Variants in FHOD3 observed in about 807,000 individuals in gnomAD.
The protein encoded by FHOD3 is formin homology 2 domain containing 3, also known as FH1/FH2 domain-containing protein 3.
In FHOD3, 90 loss-of-function variants were observed where a neutral mutation model predicts 173.0. That is an observed-to-expected ratio of 0.52 (90% CI 0.44 to 0.62). The LOEUF (loss-of-function observed/expected upper bound fraction) is 0.62. Ranked by LOEUF, FHOD3 falls within the 20% of genes least tolerant of loss-of-function variation. The pLI is 0.00. For synonymous variants in FHOD3, 828 were observed against 823.0 expected (o/e 1.01, Z -0.10); for missense variants, 1,945 against 2,034.7 (o/e 0.96, Z 0.85).
At chr18:36,370,902 T>C (rs2047153193) in intron 2 of FHOD3, among the ~76,000 whole-genome samples, 1 of 152,220 alleles carries the variant, frequency 6.6e-6, no homozygotes, top group Admixed American at 6.5e-5. Flanking sequence ...AAGCTGTCTA[T>C]AATTCAATTT....
chr18:36,345,780 G>A (rs1200735502), intron 1 of FHOD3, among the ~76,000 whole-genome samples: 2 of 152,128 alleles, frequency 1.3e-5, no homozygotes, highest in African/African-American at 4.8e-5. Flanking sequence ...TAGTGAGCTA[G>A]AAAACAAACT....
chr18:36,513,997 A>G (rs1323090177), intron 5 of FHOD3, among the ~76,000 whole-genome samples: 1 of 120,856 alleles, frequency 8.3e-6, no homozygotes, highest in Admixed American at 8.6e-5. Flanking sequence ...TTATTGCTGA[A>G]TTTTGCTATT....
intron 3 of FHOD3, among the ~76,000 whole-genome samples, chr18:36,402,796 T>C (rs1374592287): frequency 3.3e-5 from 5 of 152,216 alleles, no homozygotes; most frequent in African/African-American, 1.2e-4. Context: ...AACAAATATG[T>C]TCCACTTTTC....
Position 36,652,879 on chromosome 18 carries a change from C to A in FHOD3, c.1596C>A (p.Asp532Glu). ...PFHLFSYDFE[D>E]SSLSTKEKEA... ...ACCTCTTCTCCTATGACTTTGAGGA[C>A]TCCTCCCTGTCCACCAAGGAGAAGG... The change falls in exon 12 of 29, where the codon GAC becomes GAA. Residue 532 changes from aspartate (D) to glutamate (E), a missense_variant. Asp to Glu is a conservative substitution (Grantham distance 45, BLOSUM62 2). Coordinates refer to ENST00000590592, the MANE Select transcript of FHOD3 (RefSeq NM_001281740.3). 3 of 1,535,856 alleles carry A rather than the reference C, an allele frequency of 2.0e-6. No individual in the cohort carries two copies. The highest frequency in any genetic ancestry group is 2.6e-6 in the Non-Finnish European group (3 of 1,146,656).
intron 3 of FHOD3, among the ~76,000 whole-genome samples, chr18:36,382,903 G>A (rs2047862922): frequency 6.6e-6 from 1 of 152,210 alleles, no homozygotes; most frequent in African/African-American, 2.4e-5. Flanking sequence ...CCCTAGGTTT[G>A]ACTGTTTGCT....
intron 27 of FHOD3, among the ~76,000 whole-genome samples, chr18:36,767,196 G>A (rs561245079): frequency 1.3e-5 from 2 of 152,128 alleles, no homozygotes; most frequent in South Asian, 4.2e-4. Context: ...TGGCCTAATA[G>A]CAAGTAGATC....
chr18:36,417,136 G>A (rs774778844), intron 3 of FHOD3, among the ~76,000 whole-genome samples: 4 of 152,050 alleles, frequency 2.6e-5, no homozygotes, highest in Admixed American at 6.6e-5. Context: ...TATGTCATAG[G>A]GATTTGTTGT....
chr18:36,723,769 T>G (rs544185657), intron 19 of FHOD3, among the ~76,000 whole-genome samples: 10 of 152,326 alleles, frequency 6.6e-5, no homozygotes, highest in African/African-American at 2.4e-4. Flanking sequence ...TATTATCAAT[T>G]GCAGCACCTT....
chr18:36,748,739 G>A (rs907928730), intron 24 of FHOD3, among the ~76,000 whole-genome samples: 4 of 152,086 alleles, frequency 2.6e-5, no homozygotes, highest in African/African-American at 4.8e-5. Context: ...GGTGGTACCC[G>A]GAAGTGGCCA....
chr18:36,451,065 C>A (rs2051816168), intron 3 of FHOD3, among the ~76,000 whole-genome samples: 3 of 152,174 alleles, frequency 2.0e-5, no homozygotes, highest in Admixed American at 6.5e-5. Flanking sequence ...CCATATCACA[C>A]ATTTACATTG....
Position 36,563,295 on chromosome 18 carries a change from C to T in FHOD3, c.512-13156C>T, listed in dbSNP as rs145980393. On this transcript the variant is annotated intron_variant, in intron 5 of 28. Coordinates refer to ENST00000590592, the MANE Select transcript of FHOD3 (RefSeq NM_001281740.3). ...TATTAATAAGGCACATTTGTGGAATCATGTCTGAAACCTCAGACTGCAGAT... is the reference window on the plus strand; with the variant it reads ...TATTAATAAGGCACATTTGTGGAATTATGTCTGAAACCTCAGACTGCAGAT... 4.8e-3 allele frequency among the ~76,000 whole-genome samples: 728 copies of T among 152,322 alleles called. 1 individual carries two copies. Among genetic ancestry groups the T allele is most frequent in the Non-Finnish European group, 7.6e-3 (516 of 68,022 alleles).
intron 13 of FHOD3, among the ~76,000 whole-genome samples, chr18:36,657,715 C>T (rs2036516389): frequency 6.6e-6 from 1 of 152,176 alleles, no homozygotes; most frequent in African/African-American, 2.4e-5. Context: ...CTAATTGTGC[C>T]ACCATGTGAG....
At chr18:36,312,479 C>T (rs1283463279) in intron 1 of FHOD3, among the ~76,000 whole-genome samples, 1 of 152,150 alleles carries the variant, frequency 6.6e-6, no homozygotes, top group South Asian at 2.1e-4. Flanking sequence ...AGGCATTGAA[C>T]CTGCCCCGCA....
intron 6 of FHOD3, among the ~76,000 whole-genome samples, chr18:36,582,172 A>C: frequency 6.6e-6 from 1 of 152,158 alleles, no homozygotes; most frequent in East Asian, 1.9e-4. Flanking sequence ...AAAGAGAGCT[A>C]AGTGCCATGG....
chr18:36,537,070 C>T (rs1045008123), intron 5 of FHOD3, among the ~76,000 whole-genome samples: 14 of 152,322 alleles, frequency 9.2e-5, no homozygotes, highest in South Asian at 6.2e-4. Flanking sequence ...CCAAAGCTTT[C>T]ACTTGCTTTG....
intron 18 of FHOD3, chr18:36,710,300 G>T (rs578223225): frequency 9.9e-5 from 15 of 152,284 alleles, no homozygotes; most frequent in African/African-American, 3.6e-4. Context: ...AACCAGTGGA[G>T]TCATGTCTTA....
chr18:36,577,648 C>T (rs1166697174), intron 6 of FHOD3, among the ~76,000 whole-genome samples: 2 of 152,172 alleles, frequency 1.3e-5, no homozygotes, highest in Non-Finnish European at 2.9e-5. Flanking sequence ...CTCATGAGGC[C>T]ACTGTCAGGT....
chr18:36,313,273 G>T (rs2092298237), intron 1 of FHOD3, among the ~76,000 whole-genome samples: 2 of 152,184 alleles, frequency 1.3e-5, no homozygotes, highest in South Asian at 2.1e-4. Flanking sequence ...AATTGCCAAA[G>T]AATTTGTGAA....
intron 23 of FHOD3, among the ~76,000 whole-genome samples, chr18:36,744,473 G>T (rs1347223379): frequency 1.3e-5 from 2 of 152,246 alleles, no homozygotes; most frequent in African/African-American, 4.8e-5. Flanking sequence ...GTTAGGCAGT[G>T]TTACTCACCA....
Sources: gnomAD v4.1 joint callset for allele counts (sites outside exome capture counted in the v4.1 genomes callset) on GRCh38, gnomAD v4.1.1 for gene constraint, MANE v1.5 for transcripts, NCBI Gene and HGNC (gene_info 2026-07-23, HGNC 2026-07-21) for gene names.